MTHFD1L: variants seen among roughly 807,000 people sequenced by gnomAD.
MTHFD1L encodes the protein methylenetetrahydrofolate dehydrogenase (NADP+ dependent) 1 like.
In MTHFD1L, 81 loss-of-function variants were observed where a neutral mutation model predicts 119.5. The observed-to-expected ratio is 0.68, with a 90% CI of 0.57 to 0.82. The LOEUF (loss-of-function observed/expected upper bound fraction) is 0.82. Among genes scored for constraint, MTHFD1L ranks in the 40% least tolerant of loss-of-function variants. MTHFD1L has a pLI of 0.00. For synonymous variants in MTHFD1L, 430 were observed against 475.2 expected, an observed-to-expected ratio of 0.90 and a Z score of 1.24; for missense variants, 1,125 against 1,253.4, an observed-to-expected ratio of 0.90 and a Z score of 1.55.
At chr6:150,881,010 T>C (rs1393190937) in intron 4 of MTHFD1L, among the ~76,000 whole-genome samples, 1 of 152,234 alleles carries the variant, frequency 6.6e-6, no homozygotes, top group Non-Finnish European at 1.5e-5. Flanking sequence ...GACGCATACT[T>C]TGCAAATATT....
At chr6:150,920,532 A>T (rs1379975823) in intron 9 of MTHFD1L, among the ~76,000 whole-genome samples, 1 of 152,134 alleles carries the variant, frequency 6.6e-6, no homozygotes, top group Non-Finnish European at 1.5e-5. Flanking sequence ...TTTTATTTTT[A>T]TTTATTTTTA....
chr6:151,042,224 T>C (rs930581823), intron 26 of MTHFD1L, among the ~76,000 whole-genome samples: 17 of 152,206 alleles, frequency 1.1e-4, no homozygotes, highest in African/African-American at 4.1e-4. Flanking sequence ...AATTTTTCCT[T>C]CTTAAAATAA....
intron 11 of MTHFD1L, among the ~76,000 whole-genome samples, chr6:150,929,476 A>G (rs1052748545): frequency 6.6e-6 from 1 of 152,218 alleles, no homozygotes; most frequent in Non-Finnish European, 1.5e-5. Flanking sequence ...TCAGAAATCC[A>G]GATATGGATG....
intron 11 of MTHFD1L, among the ~76,000 whole-genome samples, chr6:150,931,614 T>C (rs1306281264): frequency 6.6e-6 from 1 of 152,100 alleles, no homozygotes; most frequent in South Asian, 2.1e-4. Flanking sequence ...CTGGGATGGA[T>C]GATTTATGTT....
chr6:150,923,024 A>T (rs769014322), intron 10 of MTHFD1L, among the ~76,000 whole-genome samples: 5 of 152,162 alleles, frequency 3.3e-5, no homozygotes, highest in Admixed American at 3.3e-4. Context: ...TATTTGGAAT[A>T]TGCTTTTCAA....
intron 16 of MTHFD1L, 98 bp from the exon 17 acceptor site, chr6:150,955,897 C>A: frequency 9.9e-7 from 1 of 1,011,138 alleles, no homozygotes; most frequent in Non-Finnish European, 1.5e-6. Context: ...TTTTCTCTTT[C>A]ACCCTCTGCA....
intron 18 of MTHFD1L, among the ~76,000 whole-genome samples, chr6:150,964,548 T>C (rs942444203): frequency 2.0e-5 from 3 of 152,242 alleles, no homozygotes; most frequent in Admixed American, 6.5e-5. Flanking sequence ...CCCTTTACCC[T>C]ACTTCATTCC....
At chr6:151,012,048 A>AAAAAAC (rs1782348806) in intron 21 of MTHFD1L, among the ~76,000 whole-genome samples, 2 of 147,378 alleles carry the variant, frequency 1.4e-5, no homozygotes, top group Non-Finnish European at 3.0e-5. Context: ...AAAAAAAAAA[A>AAAAAAC]AAACCAGCAG....
intron 24 of MTHFD1L, among the ~76,000 whole-genome samples, chr6:151,032,699 T>A (rs1785516902): frequency 1.3e-5 from 2 of 152,236 alleles, no homozygotes; most frequent in Non-Finnish European, 2.9e-5. Context: ...TTAAGTCTCC[T>A]CATCCATGAG....
intron 18 of MTHFD1L, among the ~76,000 whole-genome samples, chr6:150,962,830 T>C (rs939990915): frequency 6.6e-6 from 1 of 152,212 alleles, no homozygotes; most frequent in African/African-American, 2.4e-5. Context: ...ACTACTCCTC[T>C]TCTTCCACCT....
At chr6:151,070,717 G>A (rs1043574995) in intron 26 of MTHFD1L, among the ~76,000 whole-genome samples, 20 of 152,220 alleles carry the variant, frequency 1.3e-4, no homozygotes, top group African/African-American at 4.6e-4. Flanking sequence ...AAAATAAGCA[G>A]CTGGCCAGAT....
intron 27 of MTHFD1L, among the ~76,000 whole-genome samples, chr6:151,095,869 T>C (rs1794856106): frequency 6.6e-6 from 1 of 152,182 alleles, no homozygotes. Flanking sequence ...GCACATGTCA[T>C]TTTGCCACCC....
intron 26 of MTHFD1L, among the ~76,000 whole-genome samples, chr6:151,071,549 G>A (rs1791947783): frequency 6.6e-6 from 1 of 151,886 alleles, no homozygotes; most frequent in South Asian, 2.1e-4. Flanking sequence ...GGCAGCCCAG[G>A]GAAGCACGTT....
At chr6:150,932,598 C>T (rs932578661) in intron 11 of MTHFD1L, among the ~76,000 whole-genome samples, 8 of 151,974 alleles carry the variant, frequency 5.3e-5, no homozygotes, top group South Asian at 2.1e-4. Flanking sequence ...GGTGAAACCC[C>T]GTCTCTACTA....
intron 20 of MTHFD1L, among the ~76,000 whole-genome samples, chr6:150,995,613 T>C (rs938868001): frequency 1.3e-5 from 2 of 152,130 alleles, no homozygotes; most frequent in Non-Finnish European, 2.9e-5. Flanking sequence ...AAATGATTTA[T>C]GGTTTTTTGT....
At chr6:151,099,960 A>G in intron 27 of MTHFD1L, 1 of 939,748 alleles carries the variant, frequency 1.1e-6, no homozygotes, top group Non-Finnish European at 1.7e-6. Context: ...TTTTCTGTTT[A>G]AATAAATGTA....
At chr6:151,072,969 C>T (rs1014119230) in intron 26 of MTHFD1L, among the ~76,000 whole-genome samples, 2 of 149,626 alleles carry the variant, frequency 1.3e-5, no homozygotes, top group African/African-American at 4.9e-5. Context: ...ATACATCACT[C>T]AGGGCATTGG....
At chr6:151,057,109 A>C (rs1218255310) in intron 26 of MTHFD1L, 1 of 721,594 alleles carries the variant, frequency 1.4e-6, no homozygotes, top group East Asian at 1.3e-4. Context: ...ACTAATGAAC[A>C]GTTCAGCTCT....
At chr6:151,081,167 G>A (rs190162190) in intron 26 of MTHFD1L, among the ~76,000 whole-genome samples, 11 of 152,280 alleles carry the variant, frequency 7.2e-5, no homozygotes, top group African/African-American at 2.2e-4. Flanking sequence ...AACAATATAG[G>A]CCTCTGGTAT....
Sources: gnomAD v4.1 joint callset for allele counts (sites outside exome capture counted in the v4.1 genomes callset) on GRCh38, gnomAD v4.1.1 for gene constraint, MANE v1.5 for transcripts, NCBI Gene and HGNC (gene_info 2026-07-23, HGNC 2026-07-21) for gene names.